PWWP2B: variants seen among roughly 807,000 people sequenced by gnomAD.
PWWP2B encodes the protein PWWP domain-containing protein 2B.
PWWP2B carries 9 observed loss-of-function variants against 15.5 expected under a neutral mutation model. The observed-to-expected ratio is 0.58, with a 90% CI of 0.35 to 1.02. PWWP2B has a LOEUF of 1.02. PWWP2B is among the 50% of genes least tolerant of loss of function. The pLI, the probability that PWWP2B is intolerant of heterozygous loss-of-function variation, is 0.02. For synonymous variants in PWWP2B, 474 were observed against 403.6 expected, an observed-to-expected ratio of 1.17 and a Z score of -2.09; for missense variants, 864 against 865.3, an observed-to-expected ratio of 1.00 and a Z score of 0.02.
In PWWP2B at chr10:132,405,551, G is replaced by T; in HGVS notation, c.1051G>T (p.Ala351Ser). 1.2e-6 allele frequency: 2 copies of T among 1,605,448 alleles called. No individual in the cohort carries two copies. The highest frequency in any genetic ancestry group is 1.7e-6 in the Non-Finnish European group (2 of 1,179,006). The change falls in exon 2 of 3, where the codon GCC (alanine) becomes TCC (serine). Residue 351 changes from alanine (A) to serine (S), a missense_variant. This residue lies in a region of PWWP2B where 736 missense variants were observed against 687.7 expected (regional missense o/e 1.07). Coordinates refer to ENST00000305233, the MANE Select transcript of PWWP2B (RefSeq NM_138499.4). ...CAGCGAGCACGAGCCCGTGTACCGG[G>T]CCGAGCTGGTGGGGGAGCTGAACGG... ...GDSEHEPVYRAELVGELNGYL... is the reference protein window; with the variant it reads ...GDSEHEPVYRSELVGELNGYL...
chr10:132,398,363 G>A (rs1466855333), intron 1 of PWWP2B, among the ~76,000 whole-genome samples: 1 of 152,208 alleles, frequency 6.6e-6, no homozygotes, highest in Non-Finnish European at 1.5e-5. Context: ...CGCTCCGTGT[G>A]GGCTACCGCT....
intron 1 of PWWP2B, among the ~76,000 whole-genome samples, chr10:132,399,335 G>A (rs1316351672): frequency 4.6e-5 from 7 of 152,246 alleles, no homozygotes; most frequent in South Asian, 2.1e-4. Context: ...CAGCACAACC[G>A]GCGCTGTTGA....
chr10:132,408,026 T>G (rs1327735221), intron 2 of PWWP2B, among the ~76,000 whole-genome samples: 1 of 152,172 alleles, frequency 6.6e-6, no homozygotes, highest in Non-Finnish European at 1.5e-5. Flanking sequence ...GGACACAGTC[T>G]TGCAGGCTCA....
In PWWP2B at chr10:132,405,540, C is replaced by T; in HGVS notation, c.1040C>T (p.Pro347Leu). 4.4e-6 allele frequency: 7 copies of T among 1,604,318 alleles called. No individual in the cohort carries two copies. The highest frequency in any genetic ancestry group is 2.2e-5 in the South Asian group (2 of 90,974). ...CGTCTGGGGGACAGCGAGCACGAGC[C>T]CGTGTACCGGGCCGAGCTGGTGGGG... is the stretch of plus-strand genomic sequence containing the variant. ...PHRLGDSEHE[P>L]VYRAELVGEL... Residue 347 changes from proline (P) to leucine (L), a missense_variant, in exon 2 of 3, where the codon CCC (proline) becomes CTC (leucine). Pro to Leu is a moderately conservative substitution (Grantham distance 98, BLOSUM62 -3). Transcript: ENST00000305233.
chr10:132,405,003 C>G lies in PWWP2B; in HGVS notation c.503C>G (p.Thr168Ser). The change falls in exon 2 of 3, where the codon ACC becomes AGC. Residue 168 changes from threonine to serine, a missense_variant. Physicochemically the swap from Thr to Ser is moderately conservative, Grantham distance 58. Around this residue, in one of 2 missense-constraint regions of PWWP2B, gnomAD observed 736 missense variants for 687.7 expected, o/e 1.07. Coordinates refer to ENST00000305233, the MANE Select transcript of PWWP2B (RefSeq NM_138499.4). ...NRDPGRLILS[T>S]IRLRPRQVLC... ...GACCCGGGGCGCCTCATCCTCAGCA[C>G]CATCCGCCTGCGGCCGCGCCAGGTG... 6.4e-7 allele frequency: 1 copy of G among 1,553,364 alleles called. No individual in the cohort carries two copies. Among genetic ancestry groups the G allele is most frequent in the Non-Finnish European group, 8.7e-7 (1 of 1,155,862 alleles).
intron 2 of PWWP2B, among the ~76,000 whole-genome samples, chr10:132,412,111 C>G (rs2069789220): frequency 6.6e-6 from 1 of 152,216 alleles, no homozygotes; most frequent in South Asian, 2.1e-4. Flanking sequence ...GGCATTGAGG[C>G]CATGTTGGTG....
rs930928231 is a variant in PWWP2B at position 132,417,309 on chromosome 10, C to A, written c.*265C>A. The A allele has an allele frequency of 1.9e-6, 1 of 539,158 alleles. No individual in the cohort carries two copies. Among genetic ancestry groups the A allele is most frequent in the Non-Finnish European group, 3.3e-6 (1 of 303,606 alleles). The allele number at this position is 539,158 out of a possible 1,614,324, so 33.4% of individuals were successfully genotyped here. Reference sequence around the variant, plus strand: ...CCTGGCTCACGAGGCAGTCGGGACTCGTGACTTGCTGGCTGCTGGCTGCTG... The same window carrying A: ...CCTGGCTCACGAGGCAGTCGGGACTAGTGACTTGCTGGCTGCTGGCTGCTG... On this transcript the variant is annotated 3_prime_UTR_variant, in exon 3 of 3. Coordinates refer to ENST00000305233, the MANE Select transcript of PWWP2B (RefSeq NM_138499.4).
At position 132,397,513 on chromosome 10, in the gene PWWP2B, G is replaced by T. The variant is rs576677551; in HGVS notation, c.125+162G>T. ...AGTTTCGGGGCGCGCGAGCGCGGCC[G>T]CCACTCGGGGGGGCAAAAGTGGTTC... On this transcript the variant is annotated intron_variant, in intron 1 of 2. Transcript: ENST00000305233. Among the ~76,000 whole-genome samples, 193 of 150,788 alleles carry T rather than the reference G, an allele frequency of 1.3e-3. 1 individual carries two copies. The highest frequency in any genetic ancestry group is 4.3e-3 in the African/African-American group (175 of 41,104).
rs2069697755 is a variant in PWWP2B, at chr10:132,406,296, G to A, written c.*16+7G>A. On this transcript the variant is annotated splice_region_variant and intron_variant, in intron 2 of 2. Coordinates refer to ENST00000305233, the MANE Select transcript of PWWP2B (RefSeq NM_138499.4). Reference sequence around the variant, plus strand: ...TAACTGGTTCCCTGACCAGGTGAGTGTGCCAGCGGCAGCCTCCTTCCCCCC... The same window carrying A: ...TAACTGGTTCCCTGACCAGGTGAGTATGCCAGCGGCAGCCTCCTTCCCCCC... 1 of 1,589,742 alleles carries A rather than the reference G, an allele frequency of 6.3e-7. No homozygotes were observed. Among genetic ancestry groups the A allele is most frequent in the Non-Finnish European group, 8.6e-7 (1 of 1,165,414 alleles).
chr10:132,400,152 G>A (rs1487542781), intron 1 of PWWP2B, among the ~76,000 whole-genome samples: 2 of 152,174 alleles, frequency 1.3e-5, no homozygotes, highest in African/African-American at 4.8e-5. Flanking sequence ...AACCAAGCGG[G>A]GGAGCACCTG....
intron 1 of PWWP2B, 39 bp from the exon 2 acceptor site, chr10:132,404,587 G>T (rs202129045): frequency 4.5e-6 from 7 of 1,561,622 alleles, no homozygotes; most frequent in Middle Eastern, 1.7e-4. Context: ...GATGTGCCAG[G>T]GTCCCTTCTC....
chr10:132,398,662 G>C (rs1407333891), intron 1 of PWWP2B, among the ~76,000 whole-genome samples: 1 of 152,244 alleles, frequency 6.6e-6, no homozygotes, highest in Non-Finnish European at 1.5e-5. Flanking sequence ...TGAGGCCCAT[G>C]GCTAACCTGG....
At chr10:132,399,022 C>T (rs924712891) in intron 1 of PWWP2B, among the ~76,000 whole-genome samples, 2 of 146,234 alleles carry the variant, frequency 1.4e-5, no homozygotes, top group Non-Finnish European at 3.0e-5. Flanking sequence ...CAGCCCCAGT[C>T]CTGAGGCTTG....
At chr10:132,414,469 C>T (rs1418386444) in intron 2 of PWWP2B, among the ~76,000 whole-genome samples, 2 of 152,192 alleles carry the variant, frequency 1.3e-5, no homozygotes, top group East Asian at 1.9e-4. Flanking sequence ...TGCCACAGCA[C>T]CAGCTGTGGC....
rs1370067108 is a variant in PWWP2B, at chr10:132,417,083, C to T, written c.*39C>T. On this transcript the variant is annotated 3_prime_UTR_variant, in exon 3 of 3. Coordinates refer to ENST00000305233, the MANE Select transcript of PWWP2B (RefSeq NM_138499.4). ...AAGGTCACCGACGATGAGGGCGCAC[C>T]TGCTGTCCTGGAGCTTCCGATCTCT... 1.2e-6 allele frequency: 2 copies of T among 1,613,720 alleles called. No homozygotes were observed. The highest frequency in any genetic ancestry group is 1.7e-6 in the Non-Finnish European group (2 of 1,179,698).
chr10:132,412,365 C>CG (rs1374726586), intron 2 of PWWP2B, among the ~76,000 whole-genome samples: 9 of 152,358 alleles, frequency 5.9e-5, no homozygotes, highest in African/African-American at 1.7e-4. Context: ...CTGACCCCAC[C>CG]GGGCTTCAAT....
rs1246627862 is a variant in PWWP2B, at chr10:132,397,203, G to A, written c.-24G>A. On this transcript the variant is annotated 5_prime_UTR_variant, in exon 1 of 3. Coordinates refer to ENST00000305233, the MANE Select transcript of PWWP2B (RefSeq NM_138499.4). ...GCGGCGGCGGCGGCGGCGGGGCGGG[G>A]GCGGCCTGGGACGCGGCGGGAGCAT... 16 of 1,031,780 alleles carry A rather than the reference G, an allele frequency of 1.6e-5. No individual in the cohort carries two copies. The highest frequency in any genetic ancestry group is 5.9e-5 in the Admixed American group (1 of 17,038). 63.9% of individuals were successfully genotyped at this position (1,031,780 alleles called of 1,614,324 possible). A position where few individuals can be genotyped will look rare whatever the true frequency, so the allele number is the denominator to read the frequency against.
rs200743135 is a variant in PWWP2B at position 132,405,820 on chromosome 10, G to A, written c.1320G>A (p.Pro440=). The A allele has an allele frequency of 5.4e-5, 87 of 1,608,892 alleles. No homozygotes were observed. In the East Asian group the frequency reaches 1.3e-3, roughly 24 times the overall value. The part of the protein sequence containing the change: ...EARSSGSEGT[P]ADTGDLSPGH... Reference sequence around the variant, plus strand: ...GATCGTCCGGCTCGGAAGGGACGCCGGCAGACACGGGTGACCTCTCGCCTG... The same window carrying A: ...GATCGTCCGGCTCGGAAGGGACGCCAGCAGACACGGGTGACCTCTCGCCTG... Residue 440 remains proline (P), a synonymous_variant, in exon 2 of 3, where the codon CCG becomes CCA. Transcript: ENST00000305233.
chr10:132,415,450 T>C (rs1293282453), intron 2 of PWWP2B, among the ~76,000 whole-genome samples: 2 of 135,640 alleles, frequency 1.5e-5, no homozygotes, highest in Non-Finnish European at 3.1e-5. Flanking sequence ...CACACTCACA[T>C]CCACTCACAC....
Sources: gnomAD v4.1 joint callset for allele counts (sites outside exome capture counted in the v4.1 genomes callset) on GRCh38, gnomAD v4.1.1 for gene constraint, gnomAD v4.1.1 regional missense constraint, MANE v1.5 for transcripts, NCBI Gene and HGNC (gene_info 2026-07-23, HGNC 2026-07-21) for gene names.